Variants in FSTL4 observed in about 807,000 individuals in gnomAD.
FSTL4 encodes the protein follistatin-related protein 4.
FSTL4 carries 28 observed loss-of-function variants against 78.2 expected under a neutral mutation model. The observed-to-expected ratio is 0.36, with a 90% CI of 0.27 to 0.49. FSTL4 has a LOEUF of 0.49. FSTL4 is among the 20% of genes least tolerant of loss of function. The pLI, the probability that FSTL4 is intolerant of heterozygous loss-of-function variation, is 0.98. For missense variants in FSTL4, 922 were observed against 1,084.9 expected (o/e 0.85, Z 2.11); for synonymous variants, 422 against 440.5 (o/e 0.96, Z 0.53).
At chr5:133,785,180 C>T in the FSTL4 span, among the ~76,000 whole-genome samples, 1 of 152,224 alleles carries the variant, frequency 6.6e-6, no homozygotes, top group South Asian at 2.1e-4. Context: ...GGCTTACCCA[C>T]TGAGGACATG....
intron 14 of FSTL4, among the ~76,000 whole-genome samples, chr5:133,209,294 T>G (rs895382847): frequency 6.6e-6 from 1 of 152,138 alleles, no homozygotes; most frequent in Non-Finnish European, 1.5e-5. Context: ...AGAAGGAAGC[T>G]TCTCCAGACC....
chr5:133,512,016 TCCTTGCTC>T (rs943509963), intron 3 of FSTL4, among the ~76,000 whole-genome samples: 19 of 152,156 alleles, frequency 1.2e-4, no homozygotes, highest in African/African-American at 4.1e-4. Context: ...TTCTGCAAGG[TCCTTGCTC>T]CCTTATTGCC....
the FSTL4 span, among the ~76,000 whole-genome samples, chr5:133,702,352 C>A: frequency 6.6e-6 from 1 of 152,188 alleles, no homozygotes; most frequent in South Asian, 2.1e-4. Flanking sequence ...GGCTCCTCGG[C>A]CTGAGCACAG....
chr5:133,665,006 G>A, the FSTL4 span, among the ~76,000 whole-genome samples: 26 of 152,252 alleles, frequency 1.7e-4, no homozygotes, highest in South Asian at 5.4e-3. Flanking sequence ...CTAAGAAGTT[G>A]ACTCCAACAC....
At chr5:133,221,891 G>GGTT in intron 11 of FSTL4, among the ~76,000 whole-genome samples, 3 of 43,360 alleles carry the variant, frequency 6.9e-5, no homozygotes, top group East Asian at 3.1e-3. Flanking sequence ...CTCTTTTCTA[G>GGTT]TTTTTTTTTT....
chr5:133,598,204 T>C (rs1347272642), intron 2 of FSTL4, among the ~76,000 whole-genome samples: 2 of 152,100 alleles, frequency 1.3e-5, no homozygotes. Context: ...TCAATCCAAC[T>C]GGGATTCTCC....
At chr5:133,506,568 T>C (rs747677232) in intron 3 of FSTL4, among the ~76,000 whole-genome samples, 3 of 152,184 alleles carry the variant, frequency 2.0e-5, no homozygotes, top group African/African-American at 7.2e-5. Flanking sequence ...CACTTATTCA[T>C]ATGGTTCATA....
At chr5:133,386,092 T>C (rs1755695790) in intron 4 of FSTL4, among the ~76,000 whole-genome samples, 1 of 152,222 alleles carries the variant, frequency 6.6e-6, no homozygotes, top group Admixed American at 6.5e-5. Flanking sequence ...TTTCCTCACC[T>C]GCCAAGTTAG....
In FSTL4 at chr5:133,338,423, G is replaced by T. The variant is rs1754510789; in HGVS notation, c.410-21771C>A. Among the ~76,000 whole-genome samples, 1 of 152,244 alleles carries T rather than the reference G, an allele frequency of 6.6e-6. No individual in the cohort carries two copies. Among genetic ancestry groups the T allele is most frequent in the African/African-American group, 2.4e-5 (1 of 41,530 alleles). On this transcript the variant is annotated intron_variant, in intron 4 of 15. Transcript: ENST00000265342. The surrounding 1 kb of genome is among the most constrained non-coding windows in gnomAD (Gnocchi z 4.0). ...AAGGTGGTCGTTGCTGAGAGTATTT[G>T]GCTGCTTCTCCTGCCCCATGCTTTT...
At chr5:133,381,500 A>G (rs1755569058) in intron 4 of FSTL4, among the ~76,000 whole-genome samples, 1 of 152,222 alleles carries the variant, frequency 6.6e-6, no homozygotes, top group South Asian at 2.1e-4. Context: ...AACTATAAAG[A>G]AAGCTGGAAG....
rs879553239 is a variant in FSTL4 at position 133,235,326 on chromosome 5, A to AAAAC, written c.895-1793_895-1790dup. ...GAAACCCTGTCTCTACTAAAAATAC[A>AAAAC]AAACAAACAAACAAACAAAAAAATT... On this transcript the variant is annotated intron_variant, in intron 7 of 15. Transcript: ENST00000265342. Among the ~76,000 whole-genome samples, 8 of 152,110 alleles carry AAAAC rather than the reference A, an allele frequency of 5.3e-5. No homozygotes were observed. In the East Asian group the frequency reaches 9.7e-4, roughly 18 times the overall value.
intron 4 of FSTL4, among the ~76,000 whole-genome samples, chr5:133,362,992 C>T (rs76087615): frequency 1.3e-5 from 2 of 152,084 alleles, no homozygotes; most frequent in Admixed American, 1.3e-4. Flanking sequence ...TCTCCTGTCT[C>T]CTATAGCTGT....
the FSTL4 span, among the ~76,000 whole-genome samples, chr5:133,680,975 CCTT>C: frequency 6.6e-6 from 1 of 152,204 alleles, no homozygotes; most frequent in African/African-American, 2.4e-5. Flanking sequence ...GGGCCAGAGT[CCTT>C]CTCCATCATG....
At chr5:133,449,256 T>C (rs903601109) in intron 3 of FSTL4, among the ~76,000 whole-genome samples, 3 of 152,178 alleles carry the variant, frequency 2.0e-5, no homozygotes, top group African/African-American at 7.2e-5. Flanking sequence ...GCCAGGTGGA[T>C]TCCTGGCACT....
chr5:133,602,621 A>G (rs1760896187), intron 2 of FSTL4, among the ~76,000 whole-genome samples: 1 of 152,170 alleles, frequency 6.6e-6, no homozygotes, highest in African/African-American at 2.4e-5. Flanking sequence ...CTGTTCCCAT[A>G]AGGGAAATGC....
chr5:133,600,525 CCACTCCACTCTTATGAAAGAGG>C (rs1760842491), intron 2 of FSTL4, among the ~76,000 whole-genome samples: 1 of 152,156 alleles, frequency 6.6e-6, no homozygotes, highest in Non-Finnish European at 1.5e-5. Flanking sequence ...GCACGTTCTG[CCACTCCACTCTTATGAAAGAGG>C]CACTCCACCC....
chr5:133,728,490 T>C, the FSTL4 span, among the ~76,000 whole-genome samples: 73 of 152,226 alleles, frequency 4.8e-4, no homozygotes, highest in Non-Finnish European at 9.0e-4. Flanking sequence ...TCCACCTTTA[T>C]CACTGGAAGC....
intron 3 of FSTL4, among the ~76,000 whole-genome samples, chr5:133,534,987 C>T (rs1759323518): frequency 1.3e-5 from 2 of 152,134 alleles, no homozygotes; most frequent in African/African-American, 4.8e-5. Flanking sequence ...TTCTAATCCC[C>T]AATGTGACTA....
chr5:133,552,054 C>G (rs1378272218), intron 3 of FSTL4, among the ~76,000 whole-genome samples: 1 of 152,100 alleles, frequency 6.6e-6, no homozygotes, highest in African/African-American at 2.4e-5. Flanking sequence ...TTCTAGACAC[C>G]AGCATCATTA....
Sources: gnomAD v4.1 joint callset for allele counts (sites outside exome capture counted in the v4.1 genomes callset) on GRCh38, gnomAD v4.1.1 for gene constraint, Gnocchi (gnomAD v3.1) non-coding constraint, MANE v1.5 for transcripts, NCBI Gene and HGNC (gene_info 2026-07-23, HGNC 2026-07-21) for gene names.